The following SPATA9 variants were observed in gnomAD, a reference collection of about 807,000 sequenced individuals.
SPATA9 encodes the protein spermatogenesis-associated protein 9.
Under a neutral mutation model 25.5 loss-of-function variants are expected in SPATA9, and 27 were observed. That is an observed-to-expected ratio of 1.06 (90% confidence interval 0.78 to 1.46). The LOEUF (loss-of-function observed/expected upper bound fraction) is 1.46, where lower values mean the gene tolerates loss of function less well. SPATA9 is among the 40% of genes most tolerant of loss of function. SPATA9 has a pLI of 0.00. For missense variants in SPATA9, 282 were observed against 297.5 expected (o/e 0.95, Z 0.38); for synonymous variants, 102 against 105.7 (o/e 0.97, Z 0.21).
intron 3 of SPATA9, among the ~76,000 whole-genome samples, chr5:95,667,616 A>AAGCAGATATACCTCCT (rs1751950385): frequency 1.3e-5 from 2 of 152,160 alleles, no homozygotes; most frequent in Non-Finnish European, 2.9e-5. Context: ...GGAGGAAGAA[A>AAGCAGATATACCTCCT]AGCAGATATA....
At chr5:95,679,215 A>G (rs1386655877) in intron 2 of SPATA9, among the ~76,000 whole-genome samples, 1 of 152,208 alleles carries the variant, frequency 6.6e-6, no homozygotes, top group Admixed American at 6.5e-5. Context: ...CTTGAAAACG[A>G]TAACAAGGTT....
the SPATA9 span, among the ~76,000 whole-genome samples, chr5:95,725,802 ATTC>A: frequency 1.2e-4 from 18 of 150,600 alleles, no homozygotes; most frequent in East Asian, 5.9e-4. Context: ...TTAGCTTGGA[ATTC>A]TTCTTTTTTT....
chr5:95,699,529 T>C (rs153915), upstream of SPATA9, among the ~76,000 whole-genome samples: 86,396 of 151,912 alleles, frequency 0.57, 24,732 homozygotes, highest in East Asian at 0.8. Flanking sequence ...CATTTAGCAA[T>C]ATCAACAAAA....
chr5:95,728,865 A>G, the SPATA9 span, among the ~76,000 whole-genome samples: 1 of 152,220 alleles, frequency 6.6e-6, no homozygotes, highest in African/African-American at 2.4e-5. Flanking sequence ...CAAAACCAAG[A>G]TGGTGGTGAC....
chr5:95,658,889 T>A lies in SPATA9; in HGVS notation c.499A>T (p.Lys167Ter). The part of the protein sequence containing the change: ...YLAVCVNAVL[K>*]KVKNIFQEEE... ...TCCTGGAAGATGTTCTTTACCTTCT[T>A]CAGCACAGCATTAACACAGACTGCC... Residue 167 changes from lysine to a stop codon, truncating the protein, a stop_gained, in exon 5 of 5, where the codon AAG (lysine) becomes TAG (stop). Transcript: ENST00000274432. LOFTEE classifies it high-confidence loss of function. The A allele has an allele frequency of 6.2e-7, 1 of 1,613,414 alleles. No homozygotes were observed. The highest frequency in any genetic ancestry group is 8.5e-7 in the Non-Finnish European group (1 of 1,179,726).
At chr5:95,691,273 T>G (rs1753884025) in intron 1 of SPATA9, among the ~76,000 whole-genome samples, 1 of 152,226 alleles carries the variant, frequency 6.6e-6, no homozygotes, top group Non-Finnish European at 1.5e-5. Flanking sequence ...ACACTTTATT[T>G]TTAATAGGCT....
chr5:95,731,791 C>G, the SPATA9 span: 1 of 1,603,832 alleles, frequency 6.2e-7, no homozygotes, highest in South Asian at 1.1e-5. Flanking sequence ...CCCGCACTTC[C>G]TGTTCCGAGG....
At chr5:95,682,648 CTT>C in intron 1 of SPATA9, 32 bp from the exon 2 acceptor site, 1 of 1,571,186 alleles carries the variant, frequency 6.4e-7, no homozygotes, top group Non-Finnish European at 8.7e-7. Flanking sequence ...AAAAAGAAAA[CTT>C]TGAAAACATC....
chr5:95,731,929 A>C, the SPATA9 span: 1 of 1,614,104 alleles, frequency 6.2e-7, no homozygotes. Flanking sequence ...GTCGGGGCTT[A>C]TCCGCACTTA....
the SPATA9 span, among the ~76,000 whole-genome samples, chr5:95,730,587 G>A: frequency 6.6e-6 from 1 of 152,232 alleles, no homozygotes; most frequent in Admixed American, 6.5e-5. Context: ...TGGCCATAAC[G>A]TGTACAGAAA....
chr5:95,681,617 G>C (rs549166478), intron 2 of SPATA9, among the ~76,000 whole-genome samples: 1 of 152,212 alleles, frequency 6.6e-6, no homozygotes, highest in South Asian at 2.1e-4. Flanking sequence ...GTTTATCTCT[G>C]TATTTCCTCT....
downstream of SPATA9, chr5:95,656,205 G>C: frequency 6.2e-7 from 1 of 1,614,010 alleles, no homozygotes; most frequent in Non-Finnish European, 8.5e-7. Flanking sequence ...CACAGTGACA[G>C]TAGACAACGG....
the SPATA9 span, among the ~76,000 whole-genome samples, chr5:95,723,269 T>TC: frequency 2.6e-5 from 4 of 152,216 alleles, no homozygotes; most frequent in Non-Finnish European, 5.9e-5. Context: ...TTCAAAGCCA[T>TC]CCTGGGCCAC....
At chr5:95,682,658 A>C in intron 1 of SPATA9, 42 bp from the exon 2 acceptor site, 1 of 1,553,744 alleles carries the variant, frequency 6.4e-7, no homozygotes, top group South Asian at 1.2e-5. Flanking sequence ...CTTTGAAAAC[A>C]TCCCCTAAAT....
At chr5:95,721,052 G>A in the SPATA9 span, among the ~76,000 whole-genome samples, 3 of 152,192 alleles carry the variant, frequency 2.0e-5, no homozygotes, top group African/African-American at 7.2e-5. Flanking sequence ...TTACCCGGTG[G>A]TAATTAATCC....
At chr5:95,659,161 T>C (rs1434265519) in intron 4 of SPATA9, 4 of 360,472 alleles carry the variant, frequency 1.1e-5, no homozygotes, top group Non-Finnish European at 1.5e-5. Context: ...TTACATCTTT[T>C]CCCCCCAATT....
At chr5:95,711,611 G>A in the SPATA9 span, among the ~76,000 whole-genome samples, 1 of 152,190 alleles carries the variant, frequency 6.6e-6, no homozygotes, top group Non-Finnish European at 1.5e-5. Context: ...ACGTCGTCAA[G>A]GAGATATGGG....
At chr5:95,709,874 G>C in the SPATA9 span, among the ~76,000 whole-genome samples, 10 of 152,288 alleles carry the variant, frequency 6.6e-5, no homozygotes, top group African/African-American at 2.4e-4. Flanking sequence ...GTGCACTGGA[G>C]AGCTGCTTGA....
At chr5:95,707,782 C>T in the SPATA9 span, among the ~76,000 whole-genome samples, 55 of 152,028 alleles carry the variant, frequency 3.6e-4, no homozygotes, top group Non-Finnish European at 5.0e-4. Flanking sequence ...CTGTCTGGCT[C>T]TCTTAGCTAA....
Sources: allele counts gnomAD v4.1 joint callset (sites outside exome capture counted in the v4.1 genomes callset), GRCh38; gene constraint gnomAD v4.1.1; transcripts MANE v1.5; gene names NCBI Gene and HGNC (gene_info 2026-07-23, HGNC 2026-07-21).